CDH4: variants seen among roughly 807,000 people sequenced by gnomAD.
CDH4 encodes cadherin-4.
Under a neutral mutation model 86.0 loss-of-function variants are expected in CDH4, and 33 were observed. The observed-to-expected ratio is 0.38, with a 90% CI of 0.29 to 0.51. The LOEUF (loss-of-function observed/expected upper bound fraction) is 0.51. Ranked by LOEUF, CDH4 falls within the 20% of genes least tolerant of loss-of-function variation. The pLI is 0.86. For synonymous variants in CDH4, 555 were observed against 549.4 expected (o/e 1.01, Z -0.14); for missense variants, 1,114 against 1,307.4 (o/e 0.85, Z 2.28).
intron 4 of CDH4, among the ~76,000 whole-genome samples, chr20:61,799,616 CCA>C (rs930378882): frequency 6.6e-6 from 1 of 152,178 alleles, no homozygotes; most frequent in African/African-American, 2.4e-5. Flanking sequence ...CACCAGGATA[CCA>C]CACTCAGCCT....
chr20:61,659,772 AG>A (rs1455902703), intron 2 of CDH4, among the ~76,000 whole-genome samples: 2 of 150,504 alleles, frequency 1.3e-5, no homozygotes, highest in East Asian at 2.0e-4. Flanking sequence ...AGGCAGGAGG[AG>A]GGGTGGGCCT....
chr20:61,849,805 G>A (rs532531666), intron 5 of CDH4, among the ~76,000 whole-genome samples: 1 of 152,336 alleles, frequency 6.6e-6, no homozygotes, highest in South Asian at 2.1e-4. Context: ...AGCTTTCGAA[G>A]GCCCATGTGG....
Position 61,811,868 on chromosome 20 carries a change from C to T in CDH4, c.577-32800C>T, listed in dbSNP as rs568547742. Among the ~76,000 whole-genome samples the T allele has an allele frequency of 1.3e-5, 2 of 152,158 alleles. No homozygotes were observed. Among genetic ancestry groups the T allele is most frequent in the East Asian group, 3.9e-4 (2 of 5,158 alleles). On this transcript the variant is annotated intron_variant, in intron 4 of 15. Transcript: ENST00000614565. The surrounding 1 kb of genome is among the most constrained non-coding windows in gnomAD (Gnocchi z 4.4). ...TGTATTTTTAGTAGAGATGGGGTTTCACCATGTTGGCCAGGCTGGTCTCGA... is the reference window on the plus strand; with the variant it reads ...TGTATTTTTAGTAGAGATGGGGTTTTACCATGTTGGCCAGGCTGGTCTCGA...
chr20:61,349,723 G>T (rs116722080), intron 2 of CDH4, among the ~76,000 whole-genome samples: 1 of 152,294 alleles, frequency 6.6e-6, no homozygotes. Flanking sequence ...ACAGTCCCTC[G>T]TGGAGACGGC....
chr20:61,387,609 CACAG>C (rs1481462835), intron 2 of CDH4, among the ~76,000 whole-genome samples: 1 of 151,970 alleles, frequency 6.6e-6, no homozygotes, highest in Non-Finnish European at 1.5e-5. Context: ...CACAAACACA[CACAG>C]ACAAAAAGAT....
chr20:61,295,868 A>G (rs1456879268), intron 2 of CDH4, among the ~76,000 whole-genome samples: 1 of 152,210 alleles, frequency 6.6e-6, no homozygotes, highest in Non-Finnish European at 1.5e-5. Flanking sequence ...GCCGGCCGGA[A>G]GCAGCTGCCT....
At chr20:61,747,436 ACT>A (rs1399689371) in intron 3 of CDH4, among the ~76,000 whole-genome samples, 1 of 133,746 alleles carries the variant, frequency 7.5e-6, no homozygotes, top group African/African-American at 3.0e-5. Flanking sequence ...ACAGAGTGAG[ACT>A]CTGTCTCAAA....
chr20:61,477,618 C>G (rs2085546085), intron 2 of CDH4, among the ~76,000 whole-genome samples: 1 of 152,240 alleles, frequency 6.6e-6, no homozygotes, highest in African/African-American at 2.4e-5. Flanking sequence ...GCTGGCGCCT[C>G]TGCATCCTGC....
At chr20:61,775,344 A>G (rs547773801) in intron 4 of CDH4, among the ~76,000 whole-genome samples, 1 of 151,556 alleles carries the variant, frequency 6.6e-6, no homozygotes, top group South Asian at 2.1e-4. Flanking sequence ...GGCTTCCATC[A>G]TGCTCTTCCA....
chr20:61,659,044 C>T (rs2087223500), intron 2 of CDH4, among the ~76,000 whole-genome samples: 1 of 152,200 alleles, frequency 6.6e-6, no homozygotes, highest in Admixed American at 6.5e-5. Context: ...CAACCTCATA[C>T]TCCAATAGTA....
At chr20:61,688,292 T>C (rs2087611185) in intron 2 of CDH4, among the ~76,000 whole-genome samples, 1 of 151,754 alleles carries the variant, frequency 6.6e-6, no homozygotes, top group Non-Finnish European at 1.5e-5. Flanking sequence ...GCTGGGGTCT[T>C]TGTCTTTCTC....
At chr20:61,911,373 T>G (rs1468995461) in intron 9 of CDH4, among the ~76,000 whole-genome samples, 3 of 152,254 alleles carry the variant, frequency 2.0e-5, no homozygotes, top group Non-Finnish European at 4.4e-5. Context: ...ATCTAACTCT[T>G]TTTCTACACT....
intron 2 of CDH4, among the ~76,000 whole-genome samples, chr20:61,403,892 C>G (rs1410105683): frequency 1.3e-5 from 2 of 152,196 alleles, no homozygotes; most frequent in Non-Finnish European, 2.9e-5. Context: ...TGGCAGGACG[C>G]TGTGTTTCAG....
At chr20:61,931,161 T>C (rs979158626) in intron 13 of CDH4, among the ~76,000 whole-genome samples, 2 of 152,248 alleles carry the variant, frequency 1.3e-5, no homozygotes, top group Non-Finnish European at 2.9e-5. Context: ...TCTGCCTGGA[T>C]GAGCCTGGGA....
intron 2 of CDH4, among the ~76,000 whole-genome samples, chr20:61,727,940 G>T (rs1012722768): frequency 1.3e-5 from 2 of 152,210 alleles, no homozygotes; most frequent in Admixed American, 1.3e-4. Context: ...GCTGTTTGCT[G>T]TTAGGGCTAA....
intron 2 of CDH4, among the ~76,000 whole-genome samples, chr20:61,723,058 A>G (rs1287226022): frequency 6.6e-6 from 1 of 152,140 alleles, no homozygotes; most frequent in Non-Finnish European, 1.5e-5. Context: ...AGAAAGTGGA[A>G]TGGTGATTTT....
At chr20:61,872,948 G>A (rs562058641) in intron 6 of CDH4, among the ~76,000 whole-genome samples, 97 of 152,320 alleles carry the variant, frequency 6.4e-4, no homozygotes, top group Admixed American at 5.1e-3. Context: ...AGGGTGGGGC[G>A]TGCTGATGCA....
At chr20:61,653,218 A>G (rs1236157058) in intron 2 of CDH4, among the ~76,000 whole-genome samples, 1 of 131,060 alleles carries the variant, frequency 7.6e-6, no homozygotes, top group Non-Finnish European at 1.7e-5. Flanking sequence ...CCCTGAGTGG[A>G]CGCAGCACAT....
chr20:61,376,147 A>G (rs1171975115), intron 2 of CDH4, among the ~76,000 whole-genome samples: 1 of 139,216 alleles, frequency 7.2e-6, no homozygotes, highest in Non-Finnish European at 1.6e-5. Flanking sequence ...CTGGTGGCAA[A>G]TGTGCTCAAG....
Sources: allele counts gnomAD v4.1 joint callset (sites outside exome capture counted in the v4.1 genomes callset), GRCh38; gene constraint gnomAD v4.1.1; non-coding constraint Gnocchi (gnomAD v3.1); transcripts MANE v1.5; gene names NCBI Gene and HGNC (gene_info 2026-07-23, HGNC 2026-07-21).